Variants in AGPS observed in about 807,000 individuals in gnomAD.
AGPS encodes alkyldihydroxyacetonephosphate synthase, peroxisomal.
A neutral mutation model predicts 90.7 loss-of-function variants in AGPS; 26 were observed. The observed-to-expected ratio is 0.29, with a 90% CI of 0.21 to 0.40. The LOEUF (loss-of-function observed/expected upper bound fraction) is 0.40, where lower values mean the gene tolerates loss of function less well. Among genes scored for constraint, AGPS ranks in the 10% least tolerant of loss-of-function variants. The probability of loss-of-function intolerance (pLI) is 1.00; values close to 1 mark genes in which losing one functional copy is unlikely to be tolerated. For missense variants in AGPS, 540 were observed against 816.1 expected (o/e 0.66, Z 4.12); for synonymous variants, 294 against 285.3 (o/e 1.03, Z -0.31).
chr2:177,398,752 A>G (rs1275882021), intron 1 of AGPS, among the ~76,000 whole-genome samples: 1 of 152,250 alleles, frequency 6.6e-6, no homozygotes, highest in Non-Finnish European at 1.5e-5. Flanking sequence ...ATTCATAATA[A>G]GAAAATGTAA....
At chr2:177,480,427 G>T (rs1382828527) in intron 10 of AGPS, among the ~76,000 whole-genome samples, 1 of 152,152 alleles carries the variant, frequency 6.6e-6, no homozygotes, top group Non-Finnish European at 1.5e-5. Flanking sequence ...GTCCTTTGTA[G>T]GGACATGGAT....
chr2:177,462,533 G>C (rs965903418), intron 9 of AGPS, among the ~76,000 whole-genome samples: 6 of 151,842 alleles, frequency 4.0e-5, no homozygotes, highest in African/African-American at 1.5e-4. Context: ...ATTTAAGGAT[G>C]CCCCTTTTCA....
intron 1 of AGPS, among the ~76,000 whole-genome samples, chr2:177,415,114 C>T (rs970699699): frequency 2.6e-5 from 4 of 151,966 alleles, no homozygotes; most frequent in African/African-American, 9.7e-5. Flanking sequence ...AACATTTCAT[C>T]GTGTTTCTAT....
intron 16 of AGPS, 133 bp from the exon 17 acceptor site, chr2:177,513,686 T>C: frequency 1.5e-6 from 1 of 686,632 alleles, no homozygotes; most frequent in East Asian, 2.7e-5. Flanking sequence ...TTTTCCATTC[T>C]TGAAAGGACA....
At chr2:177,426,829 T>C (rs1686095135) in intron 2 of AGPS, among the ~76,000 whole-genome samples, 1 of 152,180 alleles carries the variant, frequency 6.6e-6, no homozygotes, top group Non-Finnish European at 1.5e-5. Context: ...TGAAGTTTTC[T>C]TTTTTTGTTG....
rs1005040403 is a variant in AGPS at position 177,543,452 on chromosome 2, C to G, written c.*5257C>G. The stretch of plus-strand genomic sequence containing the variant: ...AACTTAACTTGAATAATATCTTATC[C>G]TGAGTCTTCCTCCAAGGCAGTACAT... On this transcript the variant is annotated 3_prime_UTR_variant, in exon 20 of 20. Coordinates refer to ENST00000264167, the MANE Select transcript of AGPS (RefSeq NM_003659.4). 2.6e-5 allele frequency: 4 copies of G among 152,162 alleles called. No individual in the cohort carries two copies. The highest frequency in any genetic ancestry group is 9.7e-5 in the African/African-American group (4 of 41,438). 9.4% of individuals were successfully genotyped at this position (152,162 alleles called of 1,614,324 possible).
At position 177,415,875 on chromosome 2, in the gene AGPS, T is replaced by G. The variant is rs373866817; in HGVS notation, c.261-4394T>G. On this transcript the variant is annotated intron_variant, in intron 1 of 19. Coordinates refer to ENST00000264167, the MANE Select transcript of AGPS (RefSeq NM_003659.4). Reference sequence around the variant, plus strand: ...ACAATATTATCAGATGAAGGTAGCTTTGTGAGTTTTATATCAGGGCAAGAG... The same window carrying G: ...ACAATATTATCAGATGAAGGTAGCTGTGTGAGTTTTATATCAGGGCAAGAG... 2.2e-4 allele frequency among the ~76,000 whole-genome samples: 34 copies of G among 152,300 alleles called. No individual in the cohort carries two copies. In the East Asian group the frequency reaches 2.5e-3, roughly 11 times the overall value.
chr2:177,485,859 G>A (rs1359851284), intron 11 of AGPS, among the ~76,000 whole-genome samples: 1 of 152,170 alleles, frequency 6.6e-6, no homozygotes. Flanking sequence ...CGAGGCTGCT[G>A]TGAGTCGTGA....
intron 9 of AGPS, among the ~76,000 whole-genome samples, chr2:177,467,034 A>G (rs944372337): frequency 1.3e-5 from 2 of 151,738 alleles, no homozygotes; most frequent in Admixed American, 1.3e-4. Context: ...ACCTGTTTCC[A>G]GCTCCCGTTG....
chr2:177,402,497 G>C (rs891436468), intron 1 of AGPS, among the ~76,000 whole-genome samples: 7 of 152,074 alleles, frequency 4.6e-5, no homozygotes, highest in Non-Finnish European at 8.8e-5. Flanking sequence ...ACCTTTTATT[G>C]TGCCATTGTC....
intron 1 of AGPS, among the ~76,000 whole-genome samples, chr2:177,419,518 ATC>A: frequency 6.6e-6 from 1 of 152,008 alleles, no homozygotes; most frequent in Non-Finnish European, 1.5e-5. Context: ...GTCCAGACCT[ATC>A]TATTCTTACA....
intron 12 of AGPS, among the ~76,000 whole-genome samples, chr2:177,495,251 T>A (rs1688378582): frequency 6.6e-6 from 1 of 152,174 alleles, no homozygotes; most frequent in African/African-American, 2.4e-5. Context: ...ATTCAATTAA[T>A]CATCAAATTG....
chr2:177,444,515 A>G (rs1251705060), intron 7 of AGPS, among the ~76,000 whole-genome samples: 1 of 152,050 alleles, frequency 6.6e-6, no homozygotes, highest in Non-Finnish European at 1.5e-5. Flanking sequence ...CTAAAAGTGC[A>G]TTCACATACA....
chr2:177,506,571 G>GCC, intron 15 of AGPS, among the ~76,000 whole-genome samples: 2 of 151,930 alleles, frequency 1.3e-5, no homozygotes, highest in South Asian at 4.2e-4. Context: ...GAATTAATAT[G>GCC]TTCTCATTTT....
Position 177,436,856 on chromosome 2 carries a change from G to A in AGPS, c.534G>A (p.Glu178=), listed in dbSNP as rs1369734581. 1.2e-6 allele frequency: 2 copies of A among 1,612,730 alleles called. No individual in the cohort carries two copies. The highest frequency in any genetic ancestry group is 3.3e-5 in the Admixed American group (2 of 60,006). The change falls in exon 4 of 20, where the codon GAG becomes GAA. Residue 178 remains glutamate, a synonymous_variant. Transcript: ENST00000264167. ...AAACTAATATTTCATATTCACAAGAGGCAGATGATCGAGTATTTAGAGCTC... is the reference window on the plus strand; with the variant it reads ...AAACTAATATTTCATATTCACAAGAAGCAGATGATCGAGTATTTAGAGCTC... ...LKETNISYSQ[E]ADDRVFRAHG...
intron 8 of AGPS, among the ~76,000 whole-genome samples, chr2:177,451,147 G>T (rs2105651234): frequency 6.6e-6 from 1 of 151,668 alleles, no homozygotes; most frequent in Non-Finnish European, 1.5e-5. Flanking sequence ...TTTTTCTGGA[G>T]ACAGGGTCTT....
At chr2:177,480,481 A>G (rs572329462) in intron 10 of AGPS, among the ~76,000 whole-genome samples, 1 of 152,336 alleles carries the variant, frequency 6.6e-6, no homozygotes, top group South Asian at 2.1e-4. Flanking sequence ...GCAAGGACAA[A>G]AAAGCCAAAC....
chr2:177,397,604 A>T (rs961509141), intron 1 of AGPS, among the ~76,000 whole-genome samples: 2 of 152,150 alleles, frequency 1.3e-5, no homozygotes, highest in Non-Finnish European at 2.9e-5. Flanking sequence ...GGTTTGCATT[A>T]GTCAGAACTG....
At chr2:177,455,864 T>C (rs1265604717) in intron 8 of AGPS, among the ~76,000 whole-genome samples, 2 of 152,154 alleles carry the variant, frequency 1.3e-5, no homozygotes, top group Admixed American at 1.3e-4. Flanking sequence ...AAGGAATATA[T>C]CTGAAGGTCA....
Sources: allele counts gnomAD v4.1 joint callset (sites outside exome capture counted in the v4.1 genomes callset), GRCh38; gene constraint gnomAD v4.1.1; transcripts MANE v1.5; gene names NCBI Gene and HGNC (gene_info 2026-07-23, HGNC 2026-07-21).